Variants in YJU2 observed in about 807,000 individuals in gnomAD.
YJU2 encodes the protein YJU2 splicing factor homolog, also known as splicing factor YJU2.
YJU2 carries 28 observed loss-of-function variants against 39.6 expected under a neutral mutation model. The observed-to-expected ratio is 0.71, with a 90% CI of 0.52 to 0.97. The LOEUF is 0.97. YJU2 is among the 50% of genes least tolerant of loss of function. The pLI, the probability that YJU2 is intolerant of heterozygous loss-of-function variation, is 0.00. For missense variants in YJU2, 328 were observed against 430.4 expected (o/e 0.76, Z 2.11); for synonymous variants, 184 against 182.4 (o/e 1.01, Z -0.07).
Position 4,254,466 on chromosome 19 carries a change from G to A in YJU2, c.382G>A (p.Glu128Lys), listed in dbSNP as rs762036683. 15 of 1,606,728 alleles carry A rather than the reference G, an allele frequency of 9.3e-6. 1 individual carries two copies. In the East Asian group the frequency reaches 1.3e-4, roughly 14 times the overall value. ...GAGGGTGCAGAAGGAGCGGGAGGACGAGGAGCTGAACAACCCCATGAAGGT... is the reference window on the plus strand; with the variant it reads ...GAGGGTGCAGAAGGAGCGGGAGGACAAGGAGCTGAACAACCCCATGAAGGT... Reference protein sequence around the residue: ...EKRVQKEREDEELNNPMKVLE... With the variant: ...EKRVQKEREDKELNNPMKVLE... The change falls in exon 4 of 8, where the codon GAG (glutamate) becomes AAG (lysine). Residue 128 changes from glutamate (E) to lysine (K), a missense_variant. Glu to Lys is a moderately conservative substitution (Grantham distance 56, BLOSUM62 1). Transcript: ENST00000262962.
intron 4 of YJU2, among the ~76,000 whole-genome samples, chr19:4,255,505 G>T (rs56334923): frequency 1.3e-5 from 2 of 151,646 alleles, no homozygotes; most frequent in Non-Finnish European, 2.9e-5. Flanking sequence ...CAAGGCAGGT[G>T]GATCACAAGG....
intron 5 of YJU2, among the ~76,000 whole-genome samples, chr19:4,260,105 C>T (rs909319876): frequency 2.0e-5 from 3 of 152,086 alleles, no homozygotes; most frequent in Admixed American, 1.3e-4. Context: ...CCACTGCCCT[C>T]GGTGGACACG....
At chr19:4,264,008 A>G (rs1277686027) in intron 6 of YJU2, among the ~76,000 whole-genome samples, 1 of 151,728 alleles carries the variant, frequency 6.6e-6, no homozygotes, top group African/African-American at 2.4e-5. Flanking sequence ...CACACCTGTA[A>G]TCCCAGCACT....
At chr19:4,253,259 C>T (rs1175680334) in intron 3 of YJU2, among the ~76,000 whole-genome samples, 1 of 146,520 alleles carries the variant, frequency 6.8e-6, no homozygotes, top group Non-Finnish European at 1.5e-5. Context: ...AAAAAAGAAA[C>T]TAAAGGTGGA....
chr19:4,253,244 A>C (rs932798594), intron 3 of YJU2, among the ~76,000 whole-genome samples: 1 of 144,000 alleles, frequency 6.9e-6, no homozygotes, highest in Middle Eastern at 3.7e-3. Context: ...CACAAATTTT[A>C]ATTAAAAAAA....
chr19:4,251,144 G>A lies in YJU2; in HGVS notation c.243G>A (p.Thr81=), dbSNP rs376048778. The A allele has an allele frequency of 6.2e-6, 10 of 1,613,998 alleles. No homozygotes were observed. The highest frequency in any genetic ancestry group is 1.3e-5 in the African/African-American group (1 of 74,920). ...LPIFRFYIKC[T]RCLAEITFKT... The stretch of plus-strand genomic sequence containing the variant: ...TCTTCCGCTTTTACATCAAGTGCAC[G>A]CGCTGCCTGGCAGAGATCACCTTCA... Residue 81 remains threonine, a synonymous_variant, in exon 3 of 8, where the codon ACG becomes ACA. Coordinates refer to ENST00000262962, the MANE Select transcript of YJU2 (RefSeq NM_018074.6).
chr19:4,263,716 A>G (rs1971090840), intron 6 of YJU2, among the ~76,000 whole-genome samples: 1 of 151,458 alleles, frequency 6.6e-6, no homozygotes, highest in Non-Finnish European at 1.5e-5. Flanking sequence ...AGGCTGAGGC[A>G]GGAGAATCAC....
chr19:4,248,354 A>C (rs1970948364), intron 1 of YJU2: 1 of 152,356 alleles, frequency 6.6e-6, no homozygotes, highest in East Asian at 1.9e-4. Flanking sequence ...AGAGCACTTT[A>C]TCCCCCTTGC....
intron 5 of YJU2, among the ~76,000 whole-genome samples, chr19:4,260,267 T>C (rs997190263): frequency 1.3e-5 from 2 of 150,894 alleles, no homozygotes; most frequent in East Asian, 2.0e-4. Flanking sequence ...GTACTAAAAA[T>C]ACAAAAACAA....
chr19:4,248,706 G>C (rs1970950963), intron 1 of YJU2, among the ~76,000 whole-genome samples: 1 of 152,142 alleles, frequency 6.6e-6, no homozygotes, highest in African/African-American at 2.4e-5. Flanking sequence ...ATCACCTGAG[G>C]TCAGGAGTTC....
chr19:4,266,785 AGCCT>A (rs1568364563), intron 6 of YJU2, among the ~76,000 whole-genome samples: 35 of 152,238 alleles, frequency 2.3e-4, no homozygotes, highest in Admixed American at 9.8e-4. Flanking sequence ...GTTTGAGACC[AGCCT>A]GGGCAACATA....
At chr19:4,267,520 C>T (rs1357139780) in intron 6 of YJU2, 104 bp from the exon 7 acceptor site, 3 of 1,213,290 alleles carry the variant, frequency 2.5e-6, no homozygotes, top group East Asian at 4.8e-5. Context: ...GTCAGTGCAG[C>T]AGTGGAAGAG....
chr19:4,261,965 C>G, intron 5 of YJU2, 29 bp from the exon 6 acceptor site: 1 of 1,608,954 alleles, frequency 6.2e-7, no homozygotes, highest in Non-Finnish European at 8.5e-7. Context: ...AAACAGAGCA[C>G]GTCCAAGTTC....
intron 4 of YJU2, among the ~76,000 whole-genome samples, chr19:4,256,653 C>T (rs544629022): frequency 1.9e-4 from 29 of 152,306 alleles, no homozygotes; most frequent in African/African-American, 6.7e-4. Context: ...ATGGTTGTGG[C>T]TTGGGGGCTC....
intron 7 of YJU2, 98 bp downstream of exon 7, chr19:4,267,872 T>G (rs1449467958): frequency 8.4e-7 from 1 of 1,195,562 alleles, no homozygotes; most frequent in East Asian, 2.6e-5. Context: ...ATGGGGTGGG[T>G]GGGGGCGGCC....
At chr19:4,250,943 G>A in intron 2 of YJU2, 84 bp from the exon 3 acceptor site, 1 of 1,483,886 alleles carries the variant, frequency 6.7e-7, no homozygotes, top group Non-Finnish European at 9.3e-7. Flanking sequence ...AGCAAGCAGT[G>A]ATCTTGCAGG....
intron 1 of YJU2, 68 bp downstream of exon 1, chr19:4,247,238 G>C (rs1345290661): frequency 2.1e-6 from 3 of 1,406,994 alleles, no homozygotes; most frequent in African/African-American, 2.9e-5. Flanking sequence ...AGAGGGAGGA[G>C]CTTCCTGAGA....
intron 2 of YJU2, among the ~76,000 whole-genome samples, chr19:4,250,491 T>C (rs1244966462): frequency 6.6e-6 from 1 of 151,714 alleles, no homozygotes; most frequent in Admixed American, 6.6e-5. Flanking sequence ...GGGCTATAGG[T>C]AGCTGGGGTA....
intron 5 of YJU2, 108 bp downstream of exon 5, chr19:4,258,531 G>A: frequency 7.0e-7 from 1 of 1,438,084 alleles, no homozygotes; most frequent in Non-Finnish European, 9.2e-7. Flanking sequence ...GCCTTTGCAA[G>A]GACCCCTTTC....
Sources: allele counts gnomAD v4.1 joint callset (sites outside exome capture counted in the v4.1 genomes callset), GRCh38; gene constraint gnomAD v4.1.1; transcripts MANE v1.5; gene names NCBI Gene and HGNC (gene_info 2026-07-23, HGNC 2026-07-21).